SVOPL: variants seen among roughly 807,000 people sequenced by gnomAD.
SVOPL encodes SVOP like.
A neutral mutation model predicts 61.0 loss-of-function variants in SVOPL; 60 were observed. The observed-to-expected ratio is 0.98, with a 90% CI of 0.80 to 1.22. The LOEUF (loss-of-function observed/expected upper bound fraction) is 1.22, where lower values mean the gene tolerates loss of function less well. Among genes scored for constraint, SVOPL ranks in the 50% most tolerant of loss-of-function variants. SVOPL has a pLI of 0.00. For missense variants in SVOPL, 662 were observed against 643.9 expected (o/e 1.03, Z -0.30); for synonymous variants, 279 against 250.0 (o/e 1.12, Z -1.09).
intron 13 of SVOPL, among the ~76,000 whole-genome samples, chr7:138,621,780 TTCTA>T (rs1212023976): frequency 2.1e-3 from 194 of 90,924 alleles, no homozygotes; most frequent in African/African-American, 6.8e-3. Context: ...TAACAGCATA[TTCTA>T]TCTATCTATC....
chr7:138,677,059 A>G (rs1283339701), intron 3 of SVOPL, among the ~76,000 whole-genome samples: 1 of 151,902 alleles, frequency 6.6e-6, no homozygotes, highest in African/African-American at 2.4e-5. Context: ...GCCCGCCACC[A>G]TGCCCGTCTC....
At chr7:138,664,334 C>G in intron 4 of SVOPL, 1 of 718,526 alleles carries the variant, frequency 1.4e-6, no homozygotes, top group Non-Finnish European at 1.7e-6. Flanking sequence ...CGGACACACC[C>G]CTGGCCCTCC....
At chr7:138,654,017 C>T (rs955373396) in intron 7 of SVOPL, among the ~76,000 whole-genome samples, 5 of 150,862 alleles carry the variant, frequency 3.3e-5, no homozygotes, top group Non-Finnish European at 7.4e-5. Flanking sequence ...CCTGTAATCT[C>T]AGGTACTTGG....
At chr7:138,611,299 A>G (rs1798989397) in intron 14 of SVOPL, among the ~76,000 whole-genome samples, 1 of 152,040 alleles carries the variant, frequency 6.6e-6, no homozygotes, top group South Asian at 2.1e-4. Flanking sequence ...AATTGCTTGA[A>G]CCCAGGAGGC....
intron 13 of SVOPL, among the ~76,000 whole-genome samples, chr7:138,625,357 C>T (rs1034244827): frequency 6.6e-6 from 1 of 152,150 alleles, no homozygotes; most frequent in African/African-American, 2.4e-5. Context: ...ATCTAAAGTA[C>T]TGTTTCCTGT....
intron 7 of SVOPL, among the ~76,000 whole-genome samples, chr7:138,656,213 G>A (rs959071429): frequency 3.9e-5 from 6 of 152,148 alleles, no homozygotes; most frequent in Admixed American, 6.5e-5. Context: ...AAATTAAGGT[G>A]TGTACATTGC....
chr7:138,608,335 G>A (rs1798844167), intron 14 of SVOPL, among the ~76,000 whole-genome samples: 1 of 152,176 alleles, frequency 6.6e-6, no homozygotes, highest in Non-Finnish European at 1.5e-5. Context: ...TCTCATTAGA[G>A]TAATAAAAAG....
At chr7:138,643,196 G>A (rs1330069808) in intron 9 of SVOPL, among the ~76,000 whole-genome samples, 1 of 151,986 alleles carries the variant, frequency 6.6e-6, no homozygotes, top group African/African-American at 2.4e-5. Flanking sequence ...GGAGGCCGAG[G>A]AGGGCGGATC....
chr7:138,674,200 TACAC>T (rs35935791), intron 3 of SVOPL, among the ~76,000 whole-genome samples: 2 of 149,360 alleles, frequency 1.3e-5, no homozygotes, highest in South Asian at 2.1e-4. Context: ...AGAAAACACA[TACAC>T]ACACACACAC....
rs754452136 is a variant in SVOPL at position 138,594,581 on chromosome 7, T to A, written c.*29A>T. On this transcript the variant is annotated 3_prime_UTR_variant, in exon 16 of 16. Coordinates refer to ENST00000674285, the MANE Select transcript of SVOPL (RefSeq NM_001139456.2). ...GTTCTGAAGATAGAATTCATTTTTC[T>A]CATCTGGTAGACATAGCTTTGCAGG... The A allele has an allele frequency of 3.3e-5, 52 of 1,592,376 alleles. No individual in the cohort carries two copies. In the East Asian group the frequency reaches 9.9e-4, roughly 30 times the overall value.
intron 14 of SVOPL, among the ~76,000 whole-genome samples, chr7:138,604,321 C>T (rs1314997917): frequency 1.3e-5 from 2 of 152,006 alleles, no homozygotes; most frequent in East Asian, 3.8e-4. Context: ...TTACAACAAG[C>T]ATATTTTTAT....
chr7:138,602,745 C>T (rs1415538886), intron 14 of SVOPL, among the ~76,000 whole-genome samples: 2 of 152,010 alleles, frequency 1.3e-5, no homozygotes, highest in East Asian at 3.9e-4. Flanking sequence ...TAACCACAGT[C>T]CCCTTCTCTT....
In SVOPL at chr7:138,672,108, C is replaced by A; in HGVS notation, c.184G>T (p.Ala62Ser). ...LIMGSTGVVE[A>S]MEIMLIAVVS... ...ACAGCTATCAACATGATCTCCATGG[C>A]CTCAACCACCTTAAAGAAGAGGGAC... The change falls in exon 4 of 16, where the codon GCC (alanine) becomes TCC (serine). Residue 62 changes from alanine (A) to serine (S), a missense_variant. By Grantham distance (99) the Ala-to-Ser change is moderately conservative. Coordinates refer to ENST00000674285, the MANE Select transcript of SVOPL (RefSeq NM_001139456.2). 1 of 1,551,662 alleles carries A rather than the reference C, an allele frequency of 6.4e-7. No homozygotes were observed. The highest frequency in any genetic ancestry group is 8.7e-7 in the Non-Finnish European group (1 of 1,146,974).
At chr7:138,675,059 C>T (rs1462828821) in intron 3 of SVOPL, among the ~76,000 whole-genome samples, 1 of 151,964 alleles carries the variant, frequency 6.6e-6, no homozygotes, top group African/African-American at 2.4e-5. Flanking sequence ...CATTGGTTAT[C>T]ATCAAAATAG....
At position 138,629,255 on chromosome 7, in the gene SVOPL, C is replaced by T. The variant is rs188315870; in HGVS notation, c.863+794G>A. Among the ~76,000 whole-genome samples the T allele has an allele frequency of 7.3e-3, 1,022 of 140,126 alleles. 6 individuals carry two copies. The highest frequency in any genetic ancestry group is 0.034 in the Middle Eastern group (9 of 266). The allele number at this position is 140,126 out of a possible 152,430, so 91.9% of individuals were successfully genotyped here. A position where few individuals can be genotyped will look rare whatever the true frequency, so the allele number is the denominator to read the frequency against. Reference sequence around the variant, plus strand: ...CTTCATGATTTTTTTTTTTTTGAGACAGTTTCATGCTGTCACCCAGGCTTG... The same window carrying T: ...CTTCATGATTTTTTTTTTTTTGAGATAGTTTCATGCTGTCACCCAGGCTTG... On this transcript the variant is annotated intron_variant, in intron 10 of 15. Transcript: ENST00000674285.
chr7:138,678,548 A>G (rs748108768), intron 2 of SVOPL, 23 bp from the exon 3 acceptor site: 1,733 of 1,550,716 alleles, frequency 1.1e-3, no homozygotes, highest in Non-Finnish European at 1.3e-3. Flanking sequence ...GACAAAGTGG[A>G]AAAAATTGCT....
At chr7:138,658,293 C>G (rs79506521) in intron 6 of SVOPL, among the ~76,000 whole-genome samples, 4 of 152,112 alleles carry the variant, frequency 2.6e-5, no homozygotes, top group Non-Finnish European at 2.9e-5. Flanking sequence ...ATTCCCCCCC[C>G]TCCCTTTTAC....
At position 138,655,989 on chromosome 7, in the gene SVOPL, A is replaced by G. The variant is rs189397250; in HGVS notation, c.534+459T>C. 9.8e-4 allele frequency among the ~76,000 whole-genome samples: 149 copies of G among 152,290 alleles called. 1 individual carries two copies. Among genetic ancestry groups the G allele is most frequent in the African/African-American group, 3.4e-3 (143 of 41,582 alleles). On this transcript the variant is annotated intron_variant, in intron 7 of 15. Transcript: ENST00000674285. ...TCAAACAGCATTGCATCCTACAGAGAAATCTTTCAGGAAAAGAAGAAGTCC... is the reference window on the plus strand; with the variant it reads ...TCAAACAGCATTGCATCCTACAGAGGAATCTTTCAGGAAAAGAAGAAGTCC...
intron 1 of SVOPL, among the ~76,000 whole-genome samples, chr7:138,692,774 T>G (rs1284234401): frequency 6.6e-6 from 1 of 152,190 alleles, no homozygotes; most frequent in Non-Finnish European, 1.5e-5. Context: ...GTTTATTCAT[T>G]TTCAGGTTCA....
Sources: allele counts gnomAD v4.1 joint callset (sites outside exome capture counted in the v4.1 genomes callset), GRCh38; gene constraint gnomAD v4.1.1; transcripts MANE v1.5; gene names NCBI Gene and HGNC (gene_info 2026-07-23, HGNC 2026-07-21).